The following EXOC5 variants were observed in gnomAD, a reference collection of about 807,000 sequenced individuals.
EXOC5 encodes the protein SEC10-like 1.
A neutral mutation model predicts 90.8 loss-of-function variants in EXOC5; 17 were observed. The observed-to-expected ratio is 0.19, with a 90% confidence interval of 0.13 to 0.28. The LOEUF (loss-of-function observed/expected upper bound fraction) is 0.28. Ranked by LOEUF, EXOC5 falls within the 10% of genes least tolerant of loss-of-function variation. The pLI is 1.00. For missense variants in EXOC5, 569 were observed against 830.6 expected (o/e 0.69, Z 3.87); for synonymous variants, 260 against 270.0 (o/e 0.96, Z 0.36).
In EXOC5 at chr14:57,233,862, T is replaced by C. The variant is rs530362685; in HGVS notation, c.736A>G (p.Ile246Val). 1.1e-5 allele frequency: 17 copies of C among 1,610,712 alleles called. No homozygotes were observed. The East Asian group carries it at 3.1e-4, about 30-fold the overall frequency. Residue 246 changes from isoleucine to valine, a missense_variant, in exon 9 of 18, where the codon ATA (isoleucine) becomes GTA (valine). This residue lies in a region of EXOC5 where 114 missense variants were observed against 111.2 expected (regional missense o/e 1.03). Transcript: ENST00000621441. ...CQEGAYLRND[I>V]FEDAGILCQR... ...CAGAGTATTCCAGCGTCTTCAAATA[T>C]ATCATTTCTCAAATAAGCACCCTAA...
intron 15 of EXOC5, among the ~76,000 whole-genome samples, chr14:57,217,588 G>A (rs1040078170): frequency 3.9e-5 from 6 of 152,004 alleles, no homozygotes; most frequent in Non-Finnish European, 8.8e-5. Context: ...TCCAGATAAT[G>A]GCTGTTTCCC....
intron 5 of EXOC5, among the ~76,000 whole-genome samples, chr14:57,238,803 C>T (rs1164942695): frequency 1.3e-5 from 2 of 151,914 alleles, no homozygotes; most frequent in African/African-American, 4.8e-5. Flanking sequence ...TTACCTGTTC[C>T]TGAAGATCTT....
chr14:57,210,535 T>C (rs867529940), intron 15 of EXOC5, among the ~76,000 whole-genome samples: 2 of 152,176 alleles, frequency 1.3e-5, no homozygotes, highest in South Asian at 4.1e-4. Context: ...ATATATATCT[T>C]ATACATGTAG....
intron 3 of EXOC5, among the ~76,000 whole-genome samples, chr14:57,244,625 T>G (rs1366268582): frequency 6.6e-6 from 1 of 152,140 alleles, no homozygotes; most frequent in South Asian, 2.1e-4. Context: ...CTCATCCTGT[T>G]TTAAAAAAAC....
chr14:57,245,546 C>CTTTA (rs1566501910), intron 3 of EXOC5, among the ~76,000 whole-genome samples: 2 of 152,124 alleles, frequency 1.3e-5, no homozygotes, highest in African/African-American at 4.8e-5. Flanking sequence ...GGGAAAACTG[C>CTTTA]ATTAAAAGTA....
intron 15 of EXOC5, among the ~76,000 whole-genome samples, chr14:57,216,578 A>G (rs945925723): frequency 2.0e-5 from 3 of 152,148 alleles, no homozygotes; most frequent in Non-Finnish European, 4.4e-5. Context: ...GGAAAACTGG[A>G]TATCTACACA....
intron 1 of EXOC5, among the ~76,000 whole-genome samples, chr14:57,250,790 T>C (rs923859077): frequency 2.0e-5 from 3 of 152,166 alleles, no homozygotes; most frequent in Admixed American, 6.5e-5. Context: ...CCCTGTCCAG[T>C]TGAGGTAGCT....
chr14:57,233,545 T>C (rs1883549492), intron 9 of EXOC5, among the ~76,000 whole-genome samples, 198 bp downstream of exon 9: 1 of 152,174 alleles, frequency 6.6e-6, no homozygotes, highest in African/African-American at 2.4e-5. Flanking sequence ...TCTCTGATGA[T>C]ACTTATTGAT....
In EXOC5 at chr14:57,232,261, C is replaced by A. The variant is rs565382789; in HGVS notation, c.938+406G>T. On this transcript the variant is annotated intron_variant, in intron 10 of 17. Coordinates refer to ENST00000621441, the MANE Select transcript of EXOC5 (RefSeq NM_006544.4). Reference sequence around the variant, plus strand: ...TGGGAAAAGTCAAGGAAAAAAAAAACCCCACAAGACTCCATATGAAGCTTC... The same window carrying A: ...TGGGAAAAGTCAAGGAAAAAAAAAAACCCACAAGACTCCATATGAAGCTTC... The A allele has an allele frequency of 1.5e-3, 234 of 154,080 alleles. 1 individual carries two copies. The highest frequency in any genetic ancestry group is 3.7e-3 in the African/African-American group (155 of 41,508). The allele number at this position is 154,080 out of a possible 1,614,324, so 9.5% of individuals were successfully genotyped here.
At chr14:57,249,659 G>A (rs932492227) in intron 1 of EXOC5, among the ~76,000 whole-genome samples, 3 of 152,074 alleles carry the variant, frequency 2.0e-5, no homozygotes, top group Non-Finnish European at 4.4e-5. Flanking sequence ...TCTAGTGGAG[G>A]AGAGTGACAG....
chr14:57,235,662 TA>T, intron 7 of EXOC5, 48 bp downstream of exon 7: 1 of 938,368 alleles, frequency 1.1e-6, no homozygotes, highest in Non-Finnish European at 1.7e-6. Flanking sequence ...AGAACTTACG[TA>T]ATTTCCATAG....
chr14:57,203,263 T>G lies in EXOC5; in HGVS notation c.*5346A>C. The stretch of plus-strand genomic sequence containing the variant: ...AAAGTGCTACAATAAAAGGCCAGAG[T>G]TGAAAGGAACCAGTTACAGTATAAA... On this transcript the variant is annotated 3_prime_UTR_variant, in exon 18 of 18. Coordinates refer to ENST00000621441, the MANE Select transcript of EXOC5 (RefSeq NM_006544.4). 1 of 152,016 alleles carries G rather than the reference T, an allele frequency of 6.6e-6. No individual in the cohort carries two copies. 9.4% of individuals were successfully genotyped at this position (152,016 alleles called of 1,614,324 possible).
At chr14:57,238,254 ACTCATATT>A (rs1883731494) in intron 5 of EXOC5, among the ~76,000 whole-genome samples, 1 of 113,982 alleles carries the variant, frequency 8.8e-6, no homozygotes, top group Non-Finnish European at 2.0e-5. Context: ...ACACACACAC[ACTCATATT>A]CACCACCACT....
chr14:57,232,480 G>A (rs758275998), intron 10 of EXOC5, 187 bp downstream of exon 10: 17 of 362,176 alleles, frequency 4.7e-5, no homozygotes, highest in South Asian at 1.4e-4. Context: ...AATTCCTGAC[G>A]TTAATGTATT....
At chr14:57,221,984 A>G (rs1261452116) in intron 13 of EXOC5, among the ~76,000 whole-genome samples, 72 of 152,148 alleles carry the variant, frequency 4.7e-4, no homozygotes, top group Non-Finnish European at 2.9e-5. Flanking sequence ...ATTTTACATT[A>G]CTCAATTCCC....
intron 1 of EXOC5, among the ~76,000 whole-genome samples, chr14:57,248,183 C>G (rs564116143): frequency 2.6e-5 from 4 of 150,956 alleles, no homozygotes; most frequent in African/African-American, 9.7e-5. Context: ...TCAACAGGTA[C>G]AATCTTTTTG....
At chr14:57,227,999 G>GATAT (rs1300647374) in intron 12 of EXOC5, among the ~76,000 whole-genome samples, 2 of 141,244 alleles carry the variant, frequency 1.4e-5, no homozygotes, top group African/African-American at 5.5e-5. Context: ...ATACAAACAA[G>GATAT]ATATATATAC....
At position 57,247,722 on chromosome 14, in the gene EXOC5, A is replaced by C; in HGVS notation, c.28-10T>G. 1 of 1,439,482 alleles carries C rather than the reference A, an allele frequency of 6.9e-7. No individual in the cohort carries two copies. Among genetic ancestry groups the C allele is most frequent in the South Asian group, 1.4e-5 (1 of 73,826 alleles). The allele number at this position is 1,439,482 out of a possible 1,614,324, so 89.2% of individuals were successfully genotyped here. ...CTGCCACAAAAGGCTCCTAGTTTAC[A>C]AAAAAATACGCTTTAACAAAGTTTC... On this transcript the variant is annotated splice_polypyrimidine_tract_variant and intron_variant, in intron 1 of 17. Coordinates refer to ENST00000621441, the MANE Select transcript of EXOC5 (RefSeq NM_006544.4).
chr14:57,203,304 C>T lies in EXOC5; in HGVS notation c.*5305G>A, dbSNP rs1034858578. ...ACAGTATAAAGATTAAAATGATAGG[C>T]AGGCAAAGAGGGATGGCCTCACTTA... On this transcript the variant is annotated 3_prime_UTR_variant, in exon 18 of 18. Transcript: ENST00000621441. 2.0e-5 allele frequency: 3 copies of T among 152,012 alleles called. No individual in the cohort carries two copies. Among genetic ancestry groups the T allele is most frequent in the African/African-American group, 7.2e-5 (3 of 41,384 alleles). 9.4% of individuals were successfully genotyped at this position (152,012 alleles called of 1,614,324 possible). A position where few individuals can be genotyped will look rare whatever the true frequency, so the allele number is the denominator to read the frequency against.
Sources: allele counts gnomAD v4.1 joint callset (sites outside exome capture counted in the v4.1 genomes callset), GRCh38; gene constraint gnomAD v4.1.1; regional missense constraint gnomAD v4.1.1; transcripts MANE v1.5; gene names NCBI Gene and HGNC (gene_info 2026-07-23, HGNC 2026-07-21).